The following SOX6 variants were observed in gnomAD, a reference collection of about 807,000 sequenced individuals.
The protein encoded by SOX6 is SRY-box transcription factor 6, also known as transcription factor SOX-6.
Under a neutral mutation model 97.8 loss-of-function variants are expected in SOX6, and 11 were observed. That is an observed-to-expected ratio of 0.11 (90% CI 0.07 to 0.19). SOX6 has a LOEUF of 0.19. Among genes scored for constraint, SOX6 ranks in the 10% least tolerant of loss-of-function variants. The pLI, the probability that SOX6 is intolerant of heterozygous loss-of-function variation, is 1.00. For synonymous variants in SOX6, 360 were observed against 371.4 expected (o/e 0.97, Z 0.35); for missense variants, 810 against 1,039.5 (o/e 0.78, Z 3.04).
At chr11:16,085,933 A>G (rs910502731) in intron 9 of SOX6, among the ~76,000 whole-genome samples, 11 of 152,230 alleles carry the variant, frequency 7.2e-5, no homozygotes, top group African/African-American at 2.7e-4. Flanking sequence ...TTTCAGTGTG[A>G]TAAAGGGAAA....
intron 7 of SOX6, among the ~76,000 whole-genome samples, chr11:16,106,378 A>G (rs981277357): frequency 1.5e-4 from 23 of 152,118 alleles, no homozygotes; most frequent in South Asian, 4.1e-4. Context: ...GTGTGTATAT[A>G]TATATACATA....
chr11:15,989,233 G>A lies in SOX6; in HGVS notation c.1733-3C>T, dbSNP rs1313026962. On this transcript the variant is annotated splice_region_variant and splice_polypyrimidine_tract_variant and intron_variant, in intron 13 of 15. Transcript: ENST00000683767. ...AGAGCCATTCATTGCTTTACTTCCTGTAATGTCAGGGCAGGAAGAACAAGA... is the reference window on the plus strand; with the variant it reads ...AGAGCCATTCATTGCTTTACTTCCTATAATGTCAGGGCAGGAAGAACAAGA... 7 of 1,592,848 alleles carry A rather than the reference G, an allele frequency of 4.4e-6. No homozygotes were observed. The highest frequency in any genetic ancestry group is 4.0e-5 in the African/African-American group (3 of 74,418).
rs142838045 is a variant in SOX6, at chr11:16,715,505, T to C, written n.354-600A>G. Among the ~76,000 whole-genome samples, 336 of 152,210 alleles carry C rather than the reference T, an allele frequency of 2.2e-3. 2 individuals carry two copies. Among genetic ancestry groups the C allele is most frequent in the African/African-American group, 8.0e-3 (332 of 41,544 alleles). ...TTTTATTTTCCCCAAAGAAATAGTT[T>C]ATAATTAATGTGTTGTGGATAGCCC... On this transcript the variant is annotated intron_variant and non_coding_transcript_variant, in intron 2 of 5. Coordinates refer to the SOX6 transcript ENST00000524520.
rs570928533 is a variant in SOX6, at chr11:16,164,627, C to T, written c.777+19259G>A. 3.9e-5 allele frequency among the ~76,000 whole-genome samples: 6 copies of T among 152,082 alleles called. No homozygotes were observed. In the South Asian group the frequency reaches 1.2e-3, roughly 32 times the overall value. On this transcript the variant is annotated intron_variant, in intron 6 of 15. Coordinates refer to ENST00000683767, the MANE Select transcript of SOX6 (RefSeq NM_001367873.1). ...TCACGAGGTCAGGGGTTGAGACCAG[C>T]CTGGCCAACATAGTAAAACCCCGTC...
chr11:16,307,873 G>A (rs1051199117), intron 3 of SOX6, among the ~76,000 whole-genome samples: 2 of 151,856 alleles, frequency 1.3e-5, no homozygotes, highest in Admixed American at 6.6e-5. Context: ...TTCATTATTT[G>A]AGAGCAATTA....
At chr11:16,608,071 G>A (rs1848356699) in intron 4 of SOX6, among the ~76,000 whole-genome samples, 1 of 152,060 alleles carries the variant, frequency 6.6e-6, no homozygotes, top group Non-Finnish European at 1.5e-5. Flanking sequence ...GTCGGGGTCA[G>A]AGGAGAATGG....
chr11:16,509,169 A>C (rs1860837230), intron 4 of SOX6, among the ~76,000 whole-genome samples: 1 of 151,880 alleles, frequency 6.6e-6, no homozygotes, highest in South Asian at 2.1e-4. Context: ...GTATTTATTT[A>C]ATTGCATTTA....
intron 3 of SOX6, chr11:16,313,140 C>T (rs1855656758): frequency 6.6e-6 from 1 of 152,164 alleles, no homozygotes; most frequent in African/African-American, 2.4e-5. Context: ...CAAATCACTG[C>T]TCAGGAGAGG....
At chr11:16,514,598 AG>A (rs1382723509) in intron 4 of SOX6, among the ~76,000 whole-genome samples, 1 of 151,776 alleles carries the variant, frequency 6.6e-6, no homozygotes, top group Non-Finnish European at 1.5e-5. Context: ...CACATTGTGC[AG>A]GTTAGTTACA....
chr11:16,364,039 G>A (rs1332961467), intron 1 of SOX6, among the ~76,000 whole-genome samples: 2 of 152,034 alleles, frequency 1.3e-5, no homozygotes, highest in Admixed American at 6.6e-5. Flanking sequence ...GTATTTCCAC[G>A]AACATGCAGA....
intron 1 of SOX6, chr11:16,465,591 C>T (rs920449307): frequency 1.3e-5 from 2 of 152,108 alleles, no homozygotes; most frequent in African/African-American, 4.8e-5. Flanking sequence ...CTATATTCTG[C>T]CCAACACAGG....
intron 4 of SOX6, among the ~76,000 whole-genome samples, chr11:16,493,468 T>A (rs1347081047): frequency 6.6e-6 from 1 of 152,150 alleles, no homozygotes; most frequent in Admixed American, 6.6e-5. Flanking sequence ...AAGGTAATGA[T>A]GTTTTTTCCC....
intron 3 of SOX6, among the ~76,000 whole-genome samples, chr11:16,292,430 C>T (rs1854943820): frequency 6.6e-6 from 1 of 151,794 alleles, no homozygotes; most frequent in East Asian, 1.9e-4. Context: ...GTCTAGAATC[C>T]AAAGAAAAGT....
At chr11:16,482,872 T>C (rs1860367074) in intron 4 of SOX6, among the ~76,000 whole-genome samples, 1 of 152,198 alleles carries the variant, frequency 6.6e-6, no homozygotes, top group African/African-American at 2.4e-5. Context: ...TGAAACTGCC[T>C]TTTTGTTTGT....
At chr11:16,371,817 A>G (rs1857500915) in intron 1 of SOX6, among the ~76,000 whole-genome samples, 1 of 152,130 alleles carries the variant, frequency 6.6e-6, no homozygotes, top group Non-Finnish European at 1.5e-5. Context: ...TCAGGTGTAG[A>G]ATTTTCTACT....
chr11:16,336,876 C>A (rs1361194659), intron 2 of SOX6, among the ~76,000 whole-genome samples: 1 of 152,128 alleles, frequency 6.6e-6, no homozygotes, highest in African/African-American at 2.4e-5. Flanking sequence ...TTCCCCAAAT[C>A]TTTGCACAGT....
intron 4 of SOX6, among the ~76,000 whole-genome samples, chr11:16,579,798 G>T (rs1848015631): frequency 6.6e-6 from 1 of 151,944 alleles, no homozygotes; most frequent in Admixed American, 6.6e-5. Flanking sequence ...CATTTCTCTT[G>T]GGTATATACC....
In SOX6 at chr11:16,610,442, C is replaced by T. The variant is rs1282932120; in HGVS notation, n.609+1639G>A. On this transcript the variant is annotated intron_variant and non_coding_transcript_variant, in intron 4 of 5. Transcript: ENST00000524520. The surrounding 1 kb of genome is among the most constrained non-coding windows in gnomAD (Gnocchi z 4.4). ...GGGGTTCTGGTGGGCAAGACTGACC[C>T]TGCCGACCAGATGCAGGCCGCTAGC... is the stretch of plus-strand genomic sequence containing the variant. Among the ~76,000 whole-genome samples the T allele has an allele frequency of 6.6e-6, 1 of 152,156 alleles. No individual in the cohort carries two copies. Among genetic ancestry groups the T allele is most frequent in the African/African-American group, 2.4e-5 (1 of 41,434 alleles).
intron 4 of SOX6, among the ~76,000 whole-genome samples, chr11:16,523,728 A>G (rs548545046): frequency 6.6e-6 from 1 of 152,304 alleles, no homozygotes; most frequent in Non-Finnish European, 1.5e-5. Flanking sequence ...AAATTGATAG[A>G]CCACTAGCAA....
Sources: allele counts gnomAD v4.1 joint callset (sites outside exome capture counted in the v4.1 genomes callset), GRCh38; gene constraint gnomAD v4.1.1; non-coding constraint Gnocchi (gnomAD v3.1); transcripts MANE v1.5; gene names NCBI Gene and HGNC (gene_info 2026-07-23, HGNC 2026-07-21).